SLC23A2: variants seen among roughly 807,000 people sequenced by gnomAD.
The protein encoded by SLC23A2 is solute carrier family 23 member 2, also known as Na(+)/L-ascorbic acid transporter 2.
SLC23A2 carries 36 observed loss-of-function variants against 73.3 expected under a neutral mutation model. That is an observed-to-expected ratio of 0.49 (90% CI 0.38 to 0.65). SLC23A2 has a LOEUF of 0.65. SLC23A2 is among the 30% of genes least tolerant of loss of function. The pLI is 0.00. For synonymous variants in SLC23A2, 343 were observed against 327.3 expected (o/e 1.05, Z -0.52); for missense variants, 507 against 841.6 (o/e 0.60, Z 4.92).
chr20:4,926,485 C>T (rs1267837100), intron 3 of SLC23A2, among the ~76,000 whole-genome samples: 2 of 147,540 alleles, frequency 1.4e-5, no homozygotes, highest in Non-Finnish European at 3.0e-5. Flanking sequence ...CCCTAGGGTA[C>T]GATCGTTCAT....
intron 4 of SLC23A2, among the ~76,000 whole-genome samples, chr20:4,906,087 C>T (rs1387371931): frequency 2.0e-5 from 3 of 152,160 alleles, no homozygotes; most frequent in Admixed American, 1.3e-4. Context: ...TCTATAATTC[C>T]AGCACTTTGG....
rs142820198 is a variant in SLC23A2 at position 4,924,170 on chromosome 20, C to T, written c.108+8285G>A. On this transcript the variant is annotated intron_variant, in intron 3 of 16. Coordinates refer to ENST00000338244, the MANE Select transcript of SLC23A2 (RefSeq NM_005116.6). Reference sequence around the variant, plus strand: ...ACCCATCAGGACACAGCCCCACAGGCCCCAGGTCTCCTCCTGAAGCTCCTT... The same window carrying T: ...ACCCATCAGGACACAGCCCCACAGGTCCCAGGTCTCCTCCTGAAGCTCCTT... Among the ~76,000 whole-genome samples the T allele has an allele frequency of 1.6e-3, 249 of 152,260 alleles. 1 individual carries two copies. Among genetic ancestry groups the T allele is most frequent in the African/African-American group, 5.8e-3 (241 of 41,556 alleles).
intron 15 of SLC23A2, 62 bp downstream of exon 15, chr20:4,861,886 G>A: frequency 8.9e-6 from 14 of 1,577,532 alleles, no homozygotes; most frequent in Non-Finnish European, 1.1e-5. Flanking sequence ...GCAAAGAGCT[G>A]CGTGTGGACT....
At chr20:4,910,502 C>T (rs920530144) in intron 4 of SLC23A2, among the ~76,000 whole-genome samples, 2 of 152,132 alleles carry the variant, frequency 1.3e-5, no homozygotes, top group African/African-American at 4.8e-5. Flanking sequence ...GCCATCTCAG[C>T]TCACTGCAAC....
At chr20:4,929,502 C>T (rs1374602152) in intron 3 of SLC23A2, among the ~76,000 whole-genome samples, 1 of 152,042 alleles carries the variant, frequency 6.6e-6, no homozygotes, top group African/African-American at 2.4e-5. Flanking sequence ...GGACTGGATC[C>T]ATAATGAGAA....
chr20:5,006,974 T>TGTGTGC (rs1555810940), intron 1 of SLC23A2, among the ~76,000 whole-genome samples: 2 of 140,106 alleles, frequency 1.4e-5, no homozygotes, highest in African/African-American at 2.7e-5. Flanking sequence ...TGTGTGTGTG[T>TGTGTGC]GTGCGTGCGT....
At chr20:4,953,262 C>A (rs1345858380) in intron 2 of SLC23A2, among the ~76,000 whole-genome samples, 3 of 151,000 alleles carry the variant, frequency 2.0e-5, no homozygotes, top group Non-Finnish European at 4.4e-5. Flanking sequence ...GCCAAGATAG[C>A]GCCACTGCAC....
chr20:4,882,408 G>A (rs1365351098), intron 9 of SLC23A2, among the ~76,000 whole-genome samples: 1 of 151,982 alleles, frequency 6.6e-6, no homozygotes, highest in Non-Finnish European at 1.5e-5. Flanking sequence ...GCATGATGAT[G>A]GGTATTCATG....
chr20:4,977,054 T>C (rs6053005), intron 1 of SLC23A2, among the ~76,000 whole-genome samples: 101,036 of 152,124 alleles, frequency 0.66, 35,368 homozygotes, highest in African/African-American at 0.9. Context: ...ATTGTACATA[T>C]TTCAGTTGTA....
chr20:4,884,696 C>T (rs1931026490), intron 8 of SLC23A2, 57 bp downstream of exon 8: 1 of 1,201,922 alleles, frequency 8.3e-7, no homozygotes, highest in African/African-American at 1.5e-5. Flanking sequence ...GGTCAACCAA[C>T]ATTGAAGCTG....
At chr20:5,005,385 T>C (rs901454680), upstream of SLC23A2, among the ~76,000 whole-genome samples, 28 of 152,240 alleles carry the variant, frequency 1.8e-4, no homozygotes, top group Middle Eastern at 6.8e-3. Context: ...TTACAGCTCA[T>C]ACAAACAAGG....
intron 3 of SLC23A2, among the ~76,000 whole-genome samples, chr20:4,931,207 T>C (rs942959208): frequency 4.0e-5 from 6 of 151,642 alleles, no homozygotes; most frequent in African/African-American, 1.5e-4. Context: ...TAGCTGAGCA[T>C]GGTGGCAGGC....
At chr20:5,000,089 G>C (rs921108238) in intron 1 of SLC23A2, among the ~76,000 whole-genome samples, 1 of 152,146 alleles carries the variant, frequency 6.6e-6, no homozygotes, top group Admixed American at 6.5e-5. Flanking sequence ...TGAATGAAAA[G>C]AGAACAGTAG....
At chr20:4,962,448 AG>A (rs1290795794) in intron 2 of SLC23A2, among the ~76,000 whole-genome samples, 3 of 152,186 alleles carry the variant, frequency 2.0e-5, no homozygotes, top group Admixed American at 1.3e-4. Context: ...GGACCAATGA[AG>A]GGGAGGAATG....
intron 3 of SLC23A2, among the ~76,000 whole-genome samples, chr20:4,925,741 C>A (rs1171570629): frequency 2.0e-5 from 3 of 152,224 alleles, no homozygotes; most frequent in Admixed American, 6.5e-5. Flanking sequence ...TAAACTTGCG[C>A]CCCAAGCAGG....
At chr20:4,981,702 C>T (rs1412911216) in intron 1 of SLC23A2, among the ~76,000 whole-genome samples, 1 of 145,564 alleles carries the variant, frequency 6.9e-6, no homozygotes, top group Non-Finnish European at 1.5e-5. Flanking sequence ...TTCTTCCTTC[C>T]TTCCTTTCTT....
At position 4,862,188 on chromosome 20, in the gene SLC23A2, G is replaced by C. The variant is rs558695771; in HGVS notation, c.1487-103C>G. The C allele has an allele frequency of 3.0e-5, 35 of 1,177,904 alleles. No homozygotes were observed. In the African/African-American group the frequency reaches 5.2e-4, roughly 18 times the overall value. The allele number at this position is 1,177,904 out of a possible 1,614,324, so 73.0% of individuals were successfully genotyped here. ...CCTGGCACCCCTTCTCTGTCCAACA[G>C]AAACCAATGAGACCAGTGCAGGGAC... On this transcript the variant is annotated intron_variant, in intron 14 of 16. Transcript: ENST00000338244. This position sits in a 1 kb window ranked among gnomAD's most constrained non-coding sequence, Gnocchi z 5.1.
chr20:4,889,808 A>G (rs1160166680), intron 6 of SLC23A2, among the ~76,000 whole-genome samples: 1 of 152,120 alleles, frequency 6.6e-6, no homozygotes, highest in Non-Finnish European at 1.5e-5. Flanking sequence ...ACTTAATGAA[A>G]TGAAGGAGCT....
intron 3 of SLC23A2, among the ~76,000 whole-genome samples, chr20:4,915,127 C>T (rs892926830): frequency 6.6e-6 from 1 of 152,066 alleles, no homozygotes; most frequent in Non-Finnish European, 1.5e-5. Context: ...ATTATCCCAA[C>T]TGAGCTAAAA....
Sources: gnomAD v4.1 joint callset for allele counts (sites outside exome capture counted in the v4.1 genomes callset) on GRCh38, gnomAD v4.1.1 for gene constraint, Gnocchi (gnomAD v3.1) non-coding constraint, MANE v1.5 for transcripts, NCBI Gene and HGNC (gene_info 2026-07-23, HGNC 2026-07-21) for gene names.